Variants in FBXW4 observed in about 807,000 individuals in gnomAD.
FBXW4 encodes F-box and WD repeat domain containing 4.
FBXW4 carries 40 observed loss-of-function variants against 61.8 expected under a neutral mutation model. That is an observed-to-expected ratio of 0.65 (90% CI 0.50 to 0.84). The LOEUF (loss-of-function observed/expected upper bound fraction) is 0.84. Ranked by LOEUF, FBXW4 falls within the 40% of genes least tolerant of loss-of-function variation. The pLI is 0.00. For missense variants in FBXW4, 672 were observed against 753.8 expected (o/e 0.89, Z 1.27); for synonymous variants, 311 against 313.8 (o/e 0.99, Z 0.10).
chr10:101,685,512 A>G (rs373176948), intron 1 of FBXW4, among the ~76,000 whole-genome samples: 30 of 152,322 alleles, frequency 2.0e-4, no homozygotes, highest in African/African-American at 7.0e-4. Flanking sequence ...CCCATGATAC[A>G]ATTTGCTGAA....
intron 2 of FBXW4, among the ~76,000 whole-genome samples, chr10:101,674,351 A>T (rs2064388147): frequency 6.6e-6 from 1 of 152,034 alleles, no homozygotes; most frequent in Non-Finnish European, 1.5e-5. Flanking sequence ...GAAAGAAAGA[A>T]ATCTTCTAGC....
chr10:101,640,722 T>C (rs1353784089), intron 5 of FBXW4, among the ~76,000 whole-genome samples: 2 of 150,454 alleles, frequency 1.3e-5, no homozygotes, highest in Non-Finnish European at 3.0e-5. Flanking sequence ...GGTCTCAAAC[T>C]CCTGGCTGGT....
chr10:101,649,271 T>C (rs1352396472), intron 5 of FBXW4, among the ~76,000 whole-genome samples: 3 of 152,176 alleles, frequency 2.0e-5, no homozygotes, highest in Non-Finnish European at 2.9e-5. Flanking sequence ...TGATGTGCCA[T>C]TGCCCTCCCA....
chr10:101,629,588 T>C (rs887215443), intron 5 of FBXW4, among the ~76,000 whole-genome samples: 13 of 151,948 alleles, frequency 8.6e-5, no homozygotes, highest in Non-Finnish European at 1.6e-4. Context: ...CCAGCCCCAC[T>C]TTCCCTATTT....
chr10:101,664,910 T>C (rs974858610), intron 5 of FBXW4, among the ~76,000 whole-genome samples: 9 of 152,302 alleles, frequency 5.9e-5, no homozygotes, highest in Admixed American at 4.6e-4. Context: ...CTTCACAATA[T>C]TCTAGTAAGG....
intron 4 of FBXW4, among the ~76,000 whole-genome samples, chr10:101,668,243 A>AT (rs2064325621): frequency 6.6e-6 from 1 of 152,212 alleles, no homozygotes; most frequent in Non-Finnish European, 1.5e-5. Flanking sequence ...ACACTGGGGA[A>AT]TCAGAAGTTC....
At chr10:101,612,038 A>G (rs985214049) in intron 7 of FBXW4, among the ~76,000 whole-genome samples, 3 of 152,222 alleles carry the variant, frequency 2.0e-5, no homozygotes, top group African/African-American at 7.2e-5. Flanking sequence ...TGGACTCAAG[A>G]AAGGTTGAAG....
intron 2 of FBXW4, among the ~76,000 whole-genome samples, 181 bp from the exon 3 acceptor site, chr10:101,673,854 T>G (rs2064382651): frequency 6.6e-6 from 1 of 152,134 alleles, no homozygotes; most frequent in African/African-American, 2.4e-5. Flanking sequence ...AAAACTAGAG[T>G]AACTGAGCCT....
chr10:101,611,903 T>A lies in FBXW4; in HGVS notation c.1443-134A>T. On this transcript the variant is annotated intron_variant, in intron 7 of 8. Coordinates refer to ENST00000331272, the MANE Select transcript of FBXW4 (RefSeq NM_022039.4). This position sits in a 1 kb window ranked among gnomAD's most constrained non-coding sequence, Gnocchi z 4.9. Reference sequence around the variant, plus strand: ...ATGGAAGAGAAAGAAGCCTAAATCATCAGATTCATCAAAAACCGAACTTCA... The same window carrying A: ...ATGGAAGAGAAAGAAGCCTAAATCAACAGATTCATCAAAAACCGAACTTCA... The A allele has an allele frequency of 8.9e-7, 1 of 1,120,854 alleles. No homozygotes were observed. The highest frequency in any genetic ancestry group is 2.9e-4 in the Middle Eastern group (1 of 3,506). 69.4% of individuals were successfully genotyped at this position (1,120,854 alleles called of 1,614,324 possible).
intron 5 of FBXW4, among the ~76,000 whole-genome samples, chr10:101,647,021 G>A (rs1055908495): frequency 3.9e-5 from 6 of 152,264 alleles, no homozygotes; most frequent in South Asian, 2.1e-4. Context: ...TTCAGTCAGC[G>A]ATACCACAAA....
Position 101,694,826 on chromosome 10 carries a change from C to A in FBXW4, c.280G>T (p.Gly94Trp). The A allele has an allele frequency of 7.6e-7, 1 of 1,307,864 alleles. No individual in the cohort carries two copies. The highest frequency in any genetic ancestry group is 9.7e-7 in the Non-Finnish European group (1 of 1,032,238). The allele number at this position is 1,307,864 out of a possible 1,614,324, so 81.0% of individuals were successfully genotyped here. The change falls in exon 1 of 9, where the codon GGG (glycine) becomes TGG (tryptophan). Residue 94 changes from glycine to tryptophan, a missense_variant. This residue lies in a region of FBXW4 where 311 missense variants were observed against 301.1 expected (regional missense o/e 1.03). Coordinates refer to ENST00000331272, the MANE Select transcript of FBXW4 (RefSeq NM_022039.4). The surrounding 1 kb of genome is among the most constrained non-coding windows in gnomAD (Gnocchi z 6.0). ...EAEGGRSVEE[G>W]ARGIVKGVEG... The stretch of plus-strand genomic sequence containing the variant: ...ACTCCCTTGACGATGCCTCTCGCCC[C>A]TTCCTCCACGCTTCTGCCTCCCTCT...
chr10:101,681,395 AAAAAAT>A (rs2064473649), intron 1 of FBXW4, among the ~76,000 whole-genome samples: 1 of 132,984 alleles, frequency 7.5e-6, no homozygotes, highest in East Asian at 2.1e-4. Flanking sequence ...TCTCAAAAAA[AAAAAAT>A]AATAATAATA....
chr10:101,655,997 G>A (rs2064181871), intron 5 of FBXW4, among the ~76,000 whole-genome samples: 1 of 152,168 alleles, frequency 6.6e-6, no homozygotes, highest in Admixed American at 6.5e-5. Flanking sequence ...GGCAGAAAGG[G>A]TACATTTCAC....
At chr10:101,676,062 T>C (rs2064404569) in intron 2 of FBXW4, among the ~76,000 whole-genome samples, 1 of 152,216 alleles carries the variant, frequency 6.6e-6, no homozygotes, top group African/African-American at 2.4e-5. Context: ...TTAGTTTTAT[T>C]TTCTTCTTTA....
chr10:101,685,314 G>C (rs984261765), intron 1 of FBXW4, among the ~76,000 whole-genome samples: 2 of 152,158 alleles, frequency 1.3e-5, no homozygotes, highest in Non-Finnish European at 2.9e-5. Context: ...AATTCCACAG[G>C]ATCAAGTCTT....
At chr10:101,635,506 A>G (rs1326502262) in intron 5 of FBXW4, among the ~76,000 whole-genome samples, 1 of 152,010 alleles carries the variant, frequency 6.6e-6, no homozygotes, top group African/African-American at 2.4e-5. Flanking sequence ...GACTGCTGAT[A>G]TATAGTCAAA....
At chr10:101,648,982 C>T (rs181293023) in intron 5 of FBXW4, among the ~76,000 whole-genome samples, 151 of 152,296 alleles carry the variant, frequency 9.9e-4, no homozygotes, top group Non-Finnish European at 1.8e-3. Context: ...CCAAACTCTG[C>T]TTTAAATCCC....
At chr10:101,655,395 G>GT (rs1024321826) in intron 5 of FBXW4, among the ~76,000 whole-genome samples, 4 of 151,968 alleles carry the variant, frequency 2.6e-5, no homozygotes, top group East Asian at 1.9e-4. Context: ...ATAATTTGTG[G>GT]TTTTTTTTCC....
chr10:101,611,324 G>T lies in FBXW4; in HGVS notation c.1671C>A (p.Tyr557Ter). The change falls in exon 9 of 9, where the codon TAC becomes TAA. Residue 557 changes from tyrosine (Y) to a stop codon, truncating the protein, a stop_gained. Transcript: ENST00000331272. LOFTEE classifies it high-confidence loss of function. This position sits in a 1 kb window ranked among gnomAD's most constrained non-coding sequence, Gnocchi z 4.9. Reference sequence around the variant, plus strand: ...TTTGAAAATCCAGGACGTGGAGGTTGTAAGACAGGGCAGCATAGAGATGCT... The same window carrying T: ...TTTGAAAATCCAGGACGTGGAGGTTTTAAGACAGGGCAGCATAGAGATGCT... Reference protein sequence around the residue: ...TTKHLYAALSYNLHVLDFQNP With the variant: ...TTKHLYAALS The T allele has an allele frequency of 9.9e-6, 16 of 1,614,120 alleles. No individual in the cohort carries two copies. Among genetic ancestry groups the T allele is most frequent in the Non-Finnish European group, 1.3e-5 (15 of 1,180,006 alleles).
Sources: allele counts gnomAD v4.1 joint callset (sites outside exome capture counted in the v4.1 genomes callset), GRCh38; gene constraint gnomAD v4.1.1; regional missense constraint gnomAD v4.1.1; non-coding constraint Gnocchi (gnomAD v3.1); transcripts MANE v1.5; gene names NCBI Gene and HGNC (gene_info 2026-07-23, HGNC 2026-07-21).